EPS8: variants seen among roughly 807,000 people sequenced by gnomAD.
EPS8 encodes EGFR pathway substrate 8, signaling adaptor.
EPS8 carries 42 observed loss-of-function variants against 103.8 expected under a neutral mutation model. That is an observed-to-expected ratio of 0.40 (90% CI 0.32 to 0.52). The LOEUF is 0.52. EPS8 is among the 20% of genes least tolerant of loss of function. EPS8 has a pLI of 0.40. For missense variants in EPS8, 969 were observed against 1,005.1 expected (o/e 0.96, Z 0.49); for synonymous variants, 344 against 344.6 (o/e 1.00, Z 0.02).
chr12:15,771,547 G>A lies in EPS8; in HGVS notation c.-22+17614C>T, dbSNP rs1015016618. 1.3e-5 allele frequency among the ~76,000 whole-genome samples: 2 copies of A among 152,060 alleles called. No individual in the cohort carries two copies. The highest frequency in any genetic ancestry group is 4.8e-5 in the African/African-American group (2 of 41,396). On this transcript the variant is annotated intron_variant, in intron 1 of 20. Coordinates refer to ENST00000281172, the MANE Select transcript of EPS8 (RefSeq NM_004447.6). The surrounding 1 kb of genome is among the most constrained non-coding windows in gnomAD (Gnocchi z 4.6). ...AAACAGTGAAAAACTGAACAGAAGG[G>A]GCAAAGGCGAGGGTTAACTTTAATG...
chr12:15,727,219 C>T lies in EPS8; in HGVS notation c.-21-44247G>A, dbSNP rs190016856. ...CACCTGGGGTTCTGATTACTTCCCT[C>T]GTGGATTTAATATCTACCTTTATAC... On this transcript the variant is annotated intron_variant, in intron 1 of 20. Coordinates refer to ENST00000281172, the MANE Select transcript of EPS8 (RefSeq NM_004447.6). This position sits in a 1 kb window ranked among gnomAD's most constrained non-coding sequence, Gnocchi z 4.3. Among the ~76,000 whole-genome samples, 165 of 152,252 alleles carry T rather than the reference C, an allele frequency of 1.1e-3. No homozygotes were observed. Among genetic ancestry groups the T allele is most frequent in the East Asian group, 5.8e-4 (3 of 5,184 alleles).
chr12:15,712,403 T>C (rs1946477492), intron 1 of EPS8, among the ~76,000 whole-genome samples: 1 of 152,202 alleles, frequency 6.6e-6, no homozygotes, highest in African/African-American at 2.4e-5. Context: ...ACAACTAACA[T>C]TGTGTAAACA....
intron 4 of EPS8, among the ~76,000 whole-genome samples, chr12:15,670,238 T>C (rs530056973): frequency 2.0e-5 from 3 of 152,300 alleles, no homozygotes; most frequent in Non-Finnish European, 4.4e-5. Flanking sequence ...CTATGGACAC[T>C]GATTGTAGCA....
Position 15,693,452 on chromosome 12 carries a change from T to G in EPS8, c.-21-10480A>C, listed in dbSNP as rs1946201586. On this transcript the variant is annotated intron_variant, in intron 1 of 20. Transcript: ENST00000281172. This position sits in a 1 kb window ranked among gnomAD's most constrained non-coding sequence, Gnocchi z 5.6. ...AAGTTCACTTTAAACACATGACTAA[T>G]AAATCCTACTATTCTTAGCCTCACT... is the stretch of plus-strand genomic sequence containing the variant. Among the ~76,000 whole-genome samples, 1 of 152,194 alleles carries G rather than the reference T, an allele frequency of 6.6e-6. No homozygotes were observed. Among genetic ancestry groups the G allele is most frequent in the African/African-American group, 2.4e-5 (1 of 41,448 alleles).
Position 15,728,757 on chromosome 12 carries a change from C to T in EPS8, c.-21-45785G>A, listed in dbSNP as rs1437057000. ...ACTGAAAATGTTTGTTGCAGAGATG[C>T]TATTTCTAGAAATATTTAAAGCACA... is the stretch of plus-strand genomic sequence containing the variant. On this transcript the variant is annotated intron_variant, in intron 1 of 20. Transcript: ENST00000281172. The surrounding 1 kb of genome is among the most constrained non-coding windows in gnomAD (Gnocchi z 4.5). 1.3e-5 allele frequency among the ~76,000 whole-genome samples: 2 copies of T among 152,134 alleles called. No individual in the cohort carries two copies. The highest frequency in any genetic ancestry group is 2.9e-5 in the Non-Finnish European group (2 of 68,034).
chr12:15,696,035 T>C lies in EPS8; in HGVS notation c.-21-13063A>G, dbSNP rs78166056. ...CCTAGCTATGAACTTCTCAAAAGTATGGGACTGAGAGATTCATTCTGAAAA... is the reference window on the plus strand; with the variant it reads ...CCTAGCTATGAACTTCTCAAAAGTACGGGACTGAGAGATTCATTCTGAAAA... On this transcript the variant is annotated intron_variant, in intron 1 of 20. Coordinates refer to ENST00000281172, the MANE Select transcript of EPS8 (RefSeq NM_004447.6). This position sits in a 1 kb window ranked among gnomAD's most constrained non-coding sequence, Gnocchi z 4.8. Among the ~76,000 whole-genome samples the C allele has an allele frequency of 0.014, 2,131 of 152,332 alleles. 49 individuals are homozygous for C. Among genetic ancestry groups the C allele is most frequent in the African/African-American group, 0.047 (1,973 of 41,578 alleles).
At chr12:15,621,582 C>T in intron 20 of EPS8, 152 bp from the exon 21 acceptor site, 1 of 569,728 alleles carries the variant, frequency 1.8e-6, no homozygotes, top group South Asian at 2.3e-5. Context: ...GAAGCTTCTG[C>T]ACTTCACTAA....
chr12:15,680,430 C>T (rs908747472), intron 3 of EPS8, among the ~76,000 whole-genome samples: 6 of 152,148 alleles, frequency 3.9e-5, no homozygotes, highest in African/African-American at 1.4e-4. Flanking sequence ...ATTTAATGCT[C>T]ATTTCAACCC....
chr12:15,668,949 AG>A (rs1286198467), intron 6 of EPS8, among the ~76,000 whole-genome samples: 53 of 152,292 alleles, frequency 3.5e-4, no homozygotes, highest in African/African-American at 1.3e-3. Flanking sequence ...TGGAGTGCAG[AG>A]GGGTGATTAT....
At position 15,719,216 on chromosome 12, in the gene EPS8, T is replaced by TAC. The variant is rs200346950; in HGVS notation, c.-21-36246_-21-36245dup. Among the ~76,000 whole-genome samples, 14 of 152,044 alleles carry TAC rather than the reference T, an allele frequency of 9.2e-5. No homozygotes were observed. The South Asian group carries it at 1.9e-3, about 20-fold the overall frequency. ...ATATAAACATACATATATATATATATACACACATACATACATACTTACATA... is the reference window on the plus strand; with the variant it reads ...ATATAAACATACATATATATATATATACACACACATACATACATACTTACATA... On this transcript the variant is annotated intron_variant, in intron 1 of 20. Transcript: ENST00000281172.
chr12:15,660,297 T>C (rs1945582166), intron 10 of EPS8, among the ~76,000 whole-genome samples: 1 of 150,746 alleles, frequency 6.6e-6, no homozygotes. Flanking sequence ...TTTTTTGACA[T>C]GGAGTTTCCA....
At chr12:15,686,295 CTATT>C (rs1275296742) in intron 1 of EPS8, among the ~76,000 whole-genome samples, 1 of 152,082 alleles carries the variant, frequency 6.6e-6, no homozygotes, top group Non-Finnish European at 1.5e-5. Flanking sequence ...CGTTAATCAA[CTATT>C]TATATGATCT....
At chr12:15,677,677 A>AT (rs1247510367) in intron 3 of EPS8, among the ~76,000 whole-genome samples, 2 of 151,692 alleles carry the variant, frequency 1.3e-5, no homozygotes, top group African/African-American at 4.9e-5. Flanking sequence ...TCTCTTCTTT[A>AT]CTAACTTTCC....
In EPS8 at chr12:15,631,682, ATTAAC is replaced by A; in HGVS notation, c.1822-23_1822-19del. 4 of 1,566,518 alleles carry A rather than the reference ATTAAC, an allele frequency of 2.6e-6. No homozygotes were observed. The highest frequency in any genetic ancestry group is 1.2e-5 in the South Asian group (1 of 86,010). On this transcript the variant is annotated intron_variant, in intron 17 of 20. Transcript: ENST00000281172. ...CTTTGTTTCTATAAAAAGACAAATA[ATTAAC>A]TTAAAATTTAAAAAATATAAACCTA...
At chr12:15,649,870 A>G (rs1288479999) in intron 14 of EPS8, among the ~76,000 whole-genome samples, 2 of 152,178 alleles carry the variant, frequency 1.3e-5, no homozygotes, top group African/African-American at 2.4e-5. Flanking sequence ...AATACCTATG[A>G]TAGTCTGAGA....
intron 9 of EPS8, 63 bp from the exon 10 acceptor site, chr12:15,660,803 GT>G: frequency 2.1e-6 from 2 of 955,446 alleles, no homozygotes; most frequent in Non-Finnish European, 3.1e-6. Flanking sequence ...GCTGTACTCT[GT>G]TAGTAAATAA....
At chr12:15,678,576 C>G (rs1182598338) in intron 3 of EPS8, among the ~76,000 whole-genome samples, 1 of 152,106 alleles carries the variant, frequency 6.6e-6, no homozygotes, top group Admixed American at 6.5e-5. Context: ...TGATAATCAT[C>G]TAACTTGAAA....
chr12:15,692,318 G>GTTTTT (rs796131633), intron 1 of EPS8, among the ~76,000 whole-genome samples: 2 of 62,112 alleles, frequency 3.2e-5, no homozygotes, highest in African/African-American at 7.9e-5. Flanking sequence ...AAAGAGGTTT[G>GTTTTT]GTTTTTTTTT....
At position 15,731,164 on chromosome 12, in the gene EPS8, G is replaced by T. The variant is rs1946711834; in HGVS notation, c.-21-48192C>A. Among the ~76,000 whole-genome samples the T allele has an allele frequency of 6.6e-6, 1 of 152,144 alleles. No homozygotes were observed. ...AATGTCATGGGCAACTGCTATCCAGGTTTTTAGCTAGCTTAACCAAATCCT... is the reference window on the plus strand; with the variant it reads ...AATGTCATGGGCAACTGCTATCCAGTTTTTTAGCTAGCTTAACCAAATCCT... On this transcript the variant is annotated intron_variant, in intron 1 of 20. Coordinates refer to ENST00000281172, the MANE Select transcript of EPS8 (RefSeq NM_004447.6). This position sits in a 1 kb window ranked among gnomAD's most constrained non-coding sequence, Gnocchi z 5.1.
Sources: gnomAD v4.1 joint callset for allele counts (sites outside exome capture counted in the v4.1 genomes callset) on GRCh38, gnomAD v4.1.1 for gene constraint, Gnocchi (gnomAD v3.1) non-coding constraint, MANE v1.5 for transcripts, NCBI Gene and HGNC (gene_info 2026-07-23, HGNC 2026-07-21) for gene names.